The following EDIL3 variants were observed in gnomAD, a reference collection of about 807,000 sequenced individuals.
EDIL3 encodes the protein EGF-like repeat and discoidin I-like domain-containing protein 3.
Under a neutral mutation model 67.4 loss-of-function variants are expected in EDIL3, and 37 were observed. The observed-to-expected ratio is 0.55, with a 90% confidence interval of 0.42 to 0.72. The LOEUF (loss-of-function observed/expected upper bound fraction) is 0.72. Ranked by LOEUF, EDIL3 falls within the 30% of genes least tolerant of loss-of-function variation. The pLI, the probability that EDIL3 is intolerant of heterozygous loss-of-function variation, is 0.00. For synonymous variants in EDIL3, 195 were observed against 196.3 expected (o/e 0.99, Z 0.05); for missense variants, 527 against 586.3 (o/e 0.90, Z 1.04).
chr5:84,175,405 C>G (rs115294177), intron 4 of EDIL3, among the ~76,000 whole-genome samples: 1,672 of 152,214 alleles, frequency 0.011, 27 homozygotes, highest in African/African-American at 0.034. Context: ...AGACCCATAG[C>G]AATCCCCATT....
chr5:84,163,284 A>T (rs1018948451), intron 4 of EDIL3, among the ~76,000 whole-genome samples: 2 of 152,052 alleles, frequency 1.3e-5, no homozygotes, highest in Non-Finnish European at 2.9e-5. Flanking sequence ...CTGGCAATAA[A>T]TTTTTCCTCA....
chr5:84,361,665 A>G (rs866575844), intron 1 of EDIL3, among the ~76,000 whole-genome samples: 2 of 151,598 alleles, frequency 1.3e-5, no homozygotes, highest in African/African-American at 4.8e-5. Context: ...ACTTTTTTTT[A>G]TACTATTATC....
At chr5:83,959,341 A>C (rs896059461) in intron 10 of EDIL3, among the ~76,000 whole-genome samples, 2 of 150,754 alleles carry the variant, frequency 1.3e-5, no homozygotes, top group East Asian at 3.9e-4. Flanking sequence ...ACTTACTGTA[A>C]ACCTAGAAAA....
chr5:84,024,802 A>ATT (rs36045777), intron 9 of EDIL3, among the ~76,000 whole-genome samples: 79 of 150,130 alleles, frequency 5.3e-4, no homozygotes, highest in Admixed American at 7.3e-4. Context: ...ACTTCTTTCT[A>ATT]TTTTTTTTTT....
At chr5:83,955,426 C>CAT (rs56348842) in intron 10 of EDIL3, among the ~76,000 whole-genome samples, 87,581 of 151,108 alleles carry the variant, frequency 0.58, 25,582 homozygotes, top group African/African-American at 0.66. Context: ...TTTGCAGAAA[C>CAT]GTGCTAACTA....
At position 84,192,535 on chromosome 5, in the gene EDIL3, T is replaced by C. The variant is rs74526440; in HGVS notation, c.227-12014A>G. Reference sequence around the variant, plus strand: ...CTTTTCCTTCCTAGATAGCCCAAAGTTTCATATCAACTCTCCTCTATTGTT... The same window carrying C: ...CTTTTCCTTCCTAGATAGCCCAAAGCTTCATATCAACTCTCCTCTATTGTT... On this transcript the variant is annotated intron_variant, in intron 3 of 10. Transcript: ENST00000296591. 8.4e-3 allele frequency among the ~76,000 whole-genome samples: 1,272 copies of C among 152,048 alleles called. 19 individuals carry two copies. Among genetic ancestry groups the C allele is most frequent in the African/African-American group, 0.029 (1,199 of 41,510 alleles).
chr5:84,147,739 C>T (rs1462783247), intron 4 of EDIL3, among the ~76,000 whole-genome samples: 2 of 149,660 alleles, frequency 1.3e-5, no homozygotes, highest in Non-Finnish European at 3.0e-5. Context: ...AAAAAAAAAA[C>T]ACCTCACACT....
chr5:84,355,085 C>T (rs1434561312), intron 1 of EDIL3, among the ~76,000 whole-genome samples: 2 of 152,248 alleles, frequency 1.3e-5, no homozygotes, highest in East Asian at 3.9e-4. Context: ...TGCTTTCCAA[C>T]TTGATTCCAT....
chr5:84,162,187 T>C (rs1561449963), intron 4 of EDIL3, among the ~76,000 whole-genome samples: 1 of 152,062 alleles, frequency 6.6e-6, no homozygotes, highest in Non-Finnish European at 1.5e-5. Context: ...TTCTGGATTA[T>C]CTTCAGCATG....
intron 6 of EDIL3, among the ~76,000 whole-genome samples, chr5:84,083,712 T>A (rs1747018280): frequency 6.6e-6 from 1 of 152,164 alleles, no homozygotes; most frequent in South Asian, 2.1e-4. Context: ...GTACCCTGCA[T>A]CTTTAAGCCT....
At chr5:84,187,047 T>C (rs751793705) in intron 3 of EDIL3, among the ~76,000 whole-genome samples, 1 of 152,016 alleles carries the variant, frequency 6.6e-6, no homozygotes, top group Non-Finnish European at 1.5e-5. Flanking sequence ...AAAGCATAAA[T>C]GGACTTTCAA....
intron 1 of EDIL3, among the ~76,000 whole-genome samples, chr5:84,381,534 T>C (rs1748075037): frequency 6.6e-6 from 1 of 152,178 alleles, no homozygotes; most frequent in Non-Finnish European, 1.5e-5. Context: ...GTTAGTGTTG[T>C]TATCTGGAGT....
intron 1 of EDIL3, among the ~76,000 whole-genome samples, chr5:84,322,250 T>C (rs567935108): frequency 1.3e-5 from 2 of 151,292 alleles, no homozygotes; most frequent in African/African-American, 4.8e-5. Context: ...CTGAAAAAGA[T>C]CTAATGGCAG....
At position 83,942,604 on chromosome 5, in the gene EDIL3, T is replaced by C. The variant is rs571601673; in HGVS notation, c.*815A>G. The stretch of plus-strand genomic sequence containing the variant: ...AGTATGGGATTCTTTATGAAGCAAT[T>C]ATTTGGAAATTAAATAGTTATGGCT... On this transcript the variant is annotated 3_prime_UTR_variant, in exon 11 of 11. Coordinates refer to ENST00000296591, the MANE Select transcript of EDIL3 (RefSeq NM_005711.5). 6.6e-6 allele frequency: 1 copy of C among 152,188 alleles called. No individual in the cohort carries two copies. The highest frequency in any genetic ancestry group is 1.5e-5 in the Non-Finnish European group (1 of 67,960). The allele number at this position is 152,188 out of a possible 1,614,324, so 9.4% of individuals were successfully genotyped here.
intron 1 of EDIL3, among the ~76,000 whole-genome samples, chr5:84,280,652 T>C (rs549670438): frequency 1.3e-5 from 2 of 152,284 alleles, no homozygotes; most frequent in African/African-American, 4.8e-5. Context: ...TGATCACTTC[T>C]GTAAAGGAGA....
At chr5:83,973,819 T>A (rs971250199) in intron 9 of EDIL3, among the ~76,000 whole-genome samples, 1 of 152,030 alleles carries the variant, frequency 6.6e-6, no homozygotes, top group Admixed American at 6.6e-5. Flanking sequence ...GGTGCAAAAG[T>A]AATTGTGGTT....
At chr5:84,376,347 T>G in intron 1 of EDIL3, among the ~76,000 whole-genome samples, 1 of 151,778 alleles carries the variant, frequency 6.6e-6, no homozygotes, top group East Asian at 1.9e-4. Context: ...GCAAAAAAAA[T>G]AAAAACACAA....
intron 3 of EDIL3, among the ~76,000 whole-genome samples, chr5:84,198,003 G>C (rs1030803639): frequency 2.0e-5 from 3 of 152,040 alleles, no homozygotes; most frequent in Non-Finnish European, 2.9e-5. Context: ...AAGGATAGTA[G>C]GAGGTAGTGT....
intron 3 of EDIL3, among the ~76,000 whole-genome samples, chr5:84,194,004 T>C (rs1023990584): frequency 1.3e-5 from 2 of 151,936 alleles, no homozygotes; most frequent in African/African-American, 4.8e-5. Flanking sequence ...TTTGCTTATA[T>C]AGGGAACCAC....
Sources: allele counts gnomAD v4.1 joint callset (sites outside exome capture counted in the v4.1 genomes callset), GRCh38; gene constraint gnomAD v4.1.1; transcripts MANE v1.5; gene names NCBI Gene and HGNC (gene_info 2026-07-23, HGNC 2026-07-21).